Variants in CAMTA1 observed in about 807,000 individuals in gnomAD.
CAMTA1 encodes the protein calmodulin-binding transcription activator 1.
A neutral mutation model predicts 170.9 loss-of-function variants in CAMTA1; 27 were observed. The observed-to-expected ratio is 0.16, with a 90% confidence interval of 0.12 to 0.22. The LOEUF (loss-of-function observed/expected upper bound fraction) is 0.22, where lower values mean the gene tolerates loss of function less well. Among genes scored for constraint, CAMTA1 ranks in the 10% least tolerant of loss-of-function variants. The probability of loss-of-function intolerance (pLI) is 1.00; values close to 1 mark genes in which losing one functional copy is unlikely to be tolerated. For missense variants in CAMTA1, 1,619 were observed against 2,217.2 expected (o/e 0.73, Z 5.42); for synonymous variants, 833 against 891.5 (o/e 0.93, Z 1.17).
chr1:6,938,886 C>T lies in CAMTA1; in HGVS notation c.234+113676C>T, dbSNP rs146533864. Among the ~76,000 whole-genome samples the T allele has an allele frequency of 2.0e-5, 3 of 152,312 alleles. No individual in the cohort carries two copies. In the East Asian group the frequency reaches 5.8e-4, roughly 29 times the overall value. Reference sequence around the variant, plus strand: ...GGCTGTGGCCACCAGAAGATGGAGACGTGTCACATTCTCCTCGCTGCCCTG... The same window carrying T: ...GGCTGTGGCCACCAGAAGATGGAGATGTGTCACATTCTCCTCGCTGCCCTG... On this transcript the variant is annotated intron_variant, in intron 3 of 22. Coordinates refer to ENST00000303635, the MANE Select transcript of CAMTA1 (RefSeq NM_015215.4).
At chr1:6,873,075 T>TG (rs1312307307) in intron 3 of CAMTA1, among the ~76,000 whole-genome samples, 12 of 152,204 alleles carry the variant, frequency 7.9e-5, no homozygotes, top group African/African-American at 2.9e-4. Context: ...CTAGTATACT[T>TG]GGATGCCTGA....
chr1:7,612,717 A>G (rs886367383), intron 6 of CAMTA1, among the ~76,000 whole-genome samples: 1 of 152,218 alleles, frequency 6.6e-6, no homozygotes, highest in Non-Finnish European at 1.5e-5. Context: ...CTGACATTTC[A>G]GGAGACTGTG....
chr1:7,501,466 C>T lies in CAMTA1; in HGVS notation c.510+33565C>T, dbSNP rs74342493. On this transcript the variant is annotated intron_variant, in intron 6 of 22. Transcript: ENST00000303635. ...ACATCTCATTAGGGATGGCCTTGGG[C>T]TTGGCGGGGTGTGGGTTTTGGTGGG... is the stretch of plus-strand genomic sequence containing the variant. 7.8e-3 allele frequency among the ~76,000 whole-genome samples: 1,185 copies of T among 152,108 alleles called. 35 individuals carry two copies. The highest frequency in any genetic ancestry group is 0.064 in the East Asian group (329 of 5,152).
In CAMTA1 at chr1:7,732,501, A is replaced by G; in HGVS notation, c.2968A>G (p.Met990Val). The G allele has an allele frequency of 6.2e-7, 1 of 1,613,936 alleles. No homozygotes were observed. Among genetic ancestry groups the G allele is most frequent in the South Asian group, 1.1e-5 (1 of 91,044 alleles). ...ACGACTGGAGCAGATGGAGAGGAGG[A>G]TGGCCGAGATGACGGGGTCCCAGCA... ...LERLEQMERR[M>V]AEMTGSQQHK... is the part of the protein sequence containing the mutation. Residue 990 changes from methionine (M) to valine (V), a missense_variant, in exon 12 of 23, where the codon ATG becomes GTG. By Grantham distance (21) the Met-to-Val change is conservative (BLOSUM62 1). Transcript: ENST00000303635. The surrounding 1 kb of genome is among the most constrained non-coding windows in gnomAD (Gnocchi z 4.1).
chr1:7,649,592 C>T (rs1363350184), intron 7 of CAMTA1, among the ~76,000 whole-genome samples: 6 of 152,196 alleles, frequency 3.9e-5, no homozygotes, highest in Admixed American at 6.5e-5. Flanking sequence ...TACTTTGCTC[C>T]AGGATCCAGG....
intron 4 of CAMTA1, among the ~76,000 whole-genome samples, chr1:7,219,138 C>G (rs1660269905): frequency 6.6e-6 from 1 of 152,150 alleles, no homozygotes. Flanking sequence ...CCCCTGTAAG[C>G]TTGTTTACAC....
intron 5 of CAMTA1, 62 bp from the exon 6 acceptor site, chr1:7,467,768 G>A (rs927404588): frequency 3.2e-5 from 46 of 1,446,348 alleles, no homozygotes; most frequent in South Asian, 1.1e-4. Context: ...CTGTTGCGCC[G>A]TCTTCCTTCC....
rs541950364 is a variant in CAMTA1, at chr1:7,673,415, T to A, written c.2779+2378T>A. 6.6e-6 allele frequency among the ~76,000 whole-genome samples: 1 copy of A among 152,336 alleles called. No homozygotes were observed. The highest frequency in any genetic ancestry group is 2.1e-4 in the South Asian group (1 of 4,826). On this transcript the variant is annotated intron_variant, in intron 10 of 22. Transcript: ENST00000303635. This position sits in a 1 kb window ranked among gnomAD's most constrained non-coding sequence, Gnocchi z 4.6. ...AGCACCTGGCCCAGTGCTCCATTCC[T>A]GAAGGGTTCCCATTAAGGAGGCCTT...
At chr1:7,019,035 TGGTG>T (rs1440988161) in intron 3 of CAMTA1, among the ~76,000 whole-genome samples, 1 of 152,148 alleles carries the variant, frequency 6.6e-6, no homozygotes, top group Non-Finnish European at 1.5e-5. Context: ...AAGAGGGCCT[TGGTG>T]GGCGGGGTGG....
In CAMTA1 at chr1:7,482,197, A is replaced by T. The variant is rs2093549804; in HGVS notation, c.510+14296A>T. On this transcript the variant is annotated intron_variant, in intron 6 of 22. Transcript: ENST00000303635. The surrounding 1 kb of genome is among the most constrained non-coding windows in gnomAD (Gnocchi z 4.2). ...TGTCTATCCCCCCAAGCCCAGCCCC[A>T]TCCTTCAAGCATAAGCTCCACAGGG... Among the ~76,000 whole-genome samples, 1 of 152,088 alleles carries T rather than the reference A, an allele frequency of 6.6e-6. No homozygotes were observed. Among genetic ancestry groups the T allele is most frequent in the African/African-American group, 2.4e-5 (1 of 41,392 alleles).
At chr1:7,495,076 C>G (rs2093804751) in intron 6 of CAMTA1, among the ~76,000 whole-genome samples, 1 of 152,056 alleles carries the variant, frequency 6.6e-6, no homozygotes, top group African/African-American at 2.4e-5. Flanking sequence ...CAGTGGCTGC[C>G]CCCGTCGTTT....
In CAMTA1 at chr1:6,934,533, ACTGTGGACCCG is replaced by A. The variant is rs1684973636; in HGVS notation, c.234+109326_234+109336del. Among the ~76,000 whole-genome samples, 1 of 152,038 alleles carries A rather than the reference ACTGTGGACCCG, an allele frequency of 6.6e-6. No individual in the cohort carries two copies. The highest frequency in any genetic ancestry group is 2.4e-5 in the African/African-American group (1 of 41,394). On this transcript the variant is annotated intron_variant, in intron 3 of 22. Transcript: ENST00000303635. The surrounding 1 kb of genome is among the most constrained non-coding windows in gnomAD (Gnocchi z 4.5). Reference sequence around the variant, plus strand: ...AGGAGGAGAGAAAAGGAACTTGGCCACTGTGGACCCGCTTGGGCTAGCTGCGTGTCTCTGTG... The same window carrying A: ...AGGAGGAGAGAAAAGGAACTTGGCCACTTGGGCTAGCTGCGTGTCTCTGTG...
At position 7,751,389 on chromosome 1, in the gene CAMTA1, T is replaced by G; in HGVS notation, c.4880T>G (p.Leu1627Arg). Reference sequence around the variant, plus strand: ...ACGGCTGTGATTGTACAACAGAAACTCAGGTGGGTGGAGAAGAGCTCATGG... The same window carrying G: ...ACGGCTGTGATTGTACAACAGAAACGCAGGTGGGTGGAGAAGAGCTCATGG... ...RRTAVIVQQK[L>R]RSSLLTKKQD... The change falls in exon 20 of 23, where the codon CTC becomes CGC. Residue 1627 changes from leucine (L) to arginine (R), a missense_variant. Transcript: ENST00000303635. 6.3e-7 allele frequency: 1 copy of G among 1,587,012 alleles called. No individual in the cohort carries two copies. Among genetic ancestry groups the G allele is most frequent in the South Asian group, 1.2e-5 (1 of 86,830 alleles).
intron 3 of CAMTA1, among the ~76,000 whole-genome samples, chr1:6,951,624 C>T (rs1293723027): frequency 6.6e-6 from 1 of 152,332 alleles, no homozygotes; most frequent in Non-Finnish European, 1.5e-5. Context: ...CAGGAGACCC[C>T]AGTCTCCTCC....
intron 3 of CAMTA1, among the ~76,000 whole-genome samples, chr1:6,833,769 C>T (rs978645587): frequency 2.0e-5 from 3 of 152,216 alleles, no homozygotes; most frequent in African/African-American, 7.2e-5. Context: ...CAAACTTGAG[C>T]AATGAGTTTG....
intron 6 of CAMTA1, among the ~76,000 whole-genome samples, chr1:7,637,522 C>T (rs1558037090): frequency 1.3e-5 from 2 of 152,234 alleles, no homozygotes. Context: ...ATCACCCCGT[C>T]TCTCCGCCGT....
intron 6 of CAMTA1, among the ~76,000 whole-genome samples, chr1:7,539,306 A>C (rs983643746): frequency 4.6e-5 from 7 of 152,206 alleles, no homozygotes; most frequent in African/African-American, 1.4e-4. Context: ...ACACCCTCTC[A>C]GGCTATCTCC....
At chr1:7,081,338 A>G (rs528816203) in intron 3 of CAMTA1, among the ~76,000 whole-genome samples, 1 of 152,364 alleles carries the variant, frequency 6.6e-6, no homozygotes, top group East Asian at 1.9e-4. Flanking sequence ...CTATGCCAGC[A>G]AAGGAGAAAT....
chr1:7,237,785 A>G (rs1280682570), intron 4 of CAMTA1, among the ~76,000 whole-genome samples: 1 of 152,158 alleles, frequency 6.6e-6, no homozygotes, highest in African/African-American at 2.4e-5. Context: ...TGCCGGCTAC[A>G]CCTTACAATG....
Sources: allele counts gnomAD v4.1 joint callset (sites outside exome capture counted in the v4.1 genomes callset), GRCh38; gene constraint gnomAD v4.1.1; non-coding constraint Gnocchi (gnomAD v3.1); transcripts MANE v1.5; gene names NCBI Gene and HGNC (gene_info 2026-07-23, HGNC 2026-07-21).